HCRTR2: variants seen among roughly 807,000 people sequenced by gnomAD.
HCRTR2 encodes the protein orexin receptor type 2.
HCRTR2 carries 22 observed loss-of-function variants against 49.0 expected under a neutral mutation model. The ratio of observed to expected loss-of-function variants is 0.45; its 90% CI spans 0.32 to 0.64. HCRTR2 has a LOEUF of 0.64. Among genes scored for constraint, HCRTR2 ranks in the 30% least tolerant of loss-of-function variants. HCRTR2 has a pLI of 0.04. For synonymous variants in HCRTR2, 236 were observed against 205.3 expected (o/e 1.15, Z -1.28); for missense variants, 491 against 559.4 (o/e 0.88, Z 1.23).
intron 1 of HCRTR2, among the ~76,000 whole-genome samples, chr6:55,112,939 C>G (rs1236461828): frequency 2.6e-5 from 4 of 151,874 alleles, no homozygotes; most frequent in Non-Finnish European, 5.9e-5. Flanking sequence ...GCATATAGAC[C>G]AAGGGAGCAG....
intron 1 of HCRTR2, among the ~76,000 whole-genome samples, chr6:55,187,411 C>CAAAAAAAAAA (rs57619664): frequency 8.1e-5 from 8 of 98,422 alleles, no homozygotes; most frequent in Non-Finnish European, 1.4e-4. Flanking sequence ...GACTCCGTCT[C>CAAAAAAAAAA]AAAAAAAAAA....
chr6:55,240,164 T>G (rs907999011), intron 1 of HCRTR2, among the ~76,000 whole-genome samples: 9 of 151,662 alleles, frequency 5.9e-5, no homozygotes, highest in African/African-American at 2.2e-4. Context: ...TAGACCATCC[T>G]GGCTAACACC....
At chr6:55,165,134 G>T (rs371151530) in intron 1 of HCRTR2, among the ~76,000 whole-genome samples, 2 of 151,588 alleles carry the variant, frequency 1.3e-5, no homozygotes, top group African/African-American at 4.8e-5. Context: ...GACAAAAGAA[G>T]AAAATTAAAA....
At chr6:55,274,303 TTA>T (rs1163383466) in intron 4 of HCRTR2, among the ~76,000 whole-genome samples, 10 of 146,268 alleles carry the variant, frequency 6.8e-5, no homozygotes, top group African/African-American at 2.5e-4. Context: ...ATATATATAC[TTA>T]TATATATATT....
rs1397666268 is a variant in HCRTR2, at chr6:55,282,338, T to C, written c.1219T>C (p.Leu407=). ...AACTAGCACAGAGAGCCGGAAGTCC[T>C]TGACCACTCAAATCAGCAACTTTGA... ...GRTSTESRKS[L]TTQISNFDNI... The change falls in exon 7 of 7, where the codon TTG becomes CTG. Residue 407 remains leucine, a synonymous_variant. Coordinates refer to ENST00000370862, the MANE Select transcript of HCRTR2 (RefSeq NM_001384272.1). 2.5e-6 allele frequency: 4 copies of C among 1,613,630 alleles called. No homozygotes were observed. In the Admixed American group the frequency reaches 5.0e-5, roughly 20 times the overall value.
intron 1 of HCRTR2, among the ~76,000 whole-genome samples, chr6:55,144,369 G>A (rs1422467771): frequency 1.3e-5 from 2 of 151,862 alleles, no homozygotes; most frequent in African/African-American, 4.8e-5. Flanking sequence ...ACCCGCCTTG[G>A]CCTCCCAAAG....
intron 1 of HCRTR2, among the ~76,000 whole-genome samples, chr6:55,201,805 A>G (rs141275404): frequency 6.6e-6 from 1 of 152,278 alleles, no homozygotes; most frequent in Non-Finnish European, 1.5e-5. Context: ...TTTCCAAATT[A>G]TTTACATCCA....
chr6:55,182,066 A>T (rs1765143068), intron 1 of HCRTR2, among the ~76,000 whole-genome samples: 1 of 152,224 alleles, frequency 6.6e-6, no homozygotes. Context: ...TCATTGGCTT[A>T]GTATCACGAA....
chr6:55,177,466 A>C (rs1356342566), intron 1 of HCRTR2, among the ~76,000 whole-genome samples: 1 of 152,194 alleles, frequency 6.6e-6, no homozygotes, highest in Non-Finnish European at 1.5e-5. Context: ...GGTATAAGTA[A>C]TTTTGCACAT....
intron 1 of HCRTR2, among the ~76,000 whole-genome samples, chr6:55,159,816 C>T (rs959696602): frequency 3.3e-5 from 5 of 152,158 alleles, no homozygotes; most frequent in African/African-American, 1.2e-4. Flanking sequence ...TGAACAAAGT[C>T]TCCAAGAAAT....
rs938031488 is a variant in HCRTR2, at chr6:55,151,830, G to C, written c.-377-22381G>C. 3.3e-5 allele frequency among the ~76,000 whole-genome samples: 5 copies of C among 151,428 alleles called. No homozygotes were observed. In the East Asian group the frequency reaches 7.8e-4, roughly 24 times the overall value. On this transcript the variant is annotated intron_variant, in intron 1 of 7. Transcript: ENST00000615358. ...CACTTAAAAATCAAAATGGCTCTTT[G>C]ATCCATGGACTACAAAGTGATGTTT... is the stretch of plus-strand genomic sequence containing the variant.
intron 1 of HCRTR2, among the ~76,000 whole-genome samples, chr6:55,245,371 G>GTATATA (rs71767441): frequency 7.3e-6 from 1 of 137,334 alleles, no homozygotes; most frequent in African/African-American, 2.7e-5. Context: ...ATGTGTGTGT[G>GTATATA]TATATATATA....
chr6:55,271,393 C>T (rs564088385), intron 4 of HCRTR2, among the ~76,000 whole-genome samples: 21 of 152,150 alleles, frequency 1.4e-4, no homozygotes, highest in Non-Finnish European at 2.4e-4. Flanking sequence ...AAACTTAACT[C>T]AAAATGAATC....
At chr6:55,135,951 A>G (rs1014524267) in intron 1 of HCRTR2, among the ~76,000 whole-genome samples, 1 of 152,102 alleles carries the variant, frequency 6.6e-6, no homozygotes, top group African/African-American at 2.4e-5. Flanking sequence ...GACACAAGAC[A>G]TGGTCAATTT....
intron 1 of HCRTR2, among the ~76,000 whole-genome samples, chr6:55,134,400 T>A (rs1264352413): frequency 6.6e-6 from 1 of 151,870 alleles, no homozygotes; most frequent in African/African-American, 2.4e-5. Flanking sequence ...TATATATAGT[T>A]ATATGATTAA....
intron 1 of HCRTR2, among the ~76,000 whole-genome samples, chr6:55,208,313 GAAAAATAA>G (rs1337817850): frequency 8.5e-6 from 1 of 118,144 alleles, no homozygotes; most frequent in Non-Finnish European, 1.8e-5. Flanking sequence ...CAGTCTCTAC[GAAAAATAA>G]AAAAATAAAA....
intron 1 of HCRTR2, among the ~76,000 whole-genome samples, chr6:55,237,516 T>TTTCC (rs1288092254): frequency 4.6e-5 from 7 of 152,224 alleles, no homozygotes; most frequent in African/African-American, 1.7e-4. Flanking sequence ...AGGTACTAAA[T>TTTCC]TTCCGGCTCA....
At chr6:55,158,043 G>A (rs546052891) in intron 1 of HCRTR2, among the ~76,000 whole-genome samples, 2 of 152,170 alleles carry the variant, frequency 1.3e-5, no homozygotes, top group Non-Finnish European at 2.9e-5. Context: ...AACAGCTCTG[G>A]TCTGCAGCTC....
intron 1 of HCRTR2, among the ~76,000 whole-genome samples, chr6:55,191,297 G>T (rs971100688): frequency 6.6e-6 from 1 of 152,072 alleles, no homozygotes; most frequent in African/African-American, 2.4e-5. Flanking sequence ...AGAAGTCTGG[G>T]CTAAGTAGAA....
Sources: gnomAD v4.1 joint callset for allele counts (sites outside exome capture counted in the v4.1 genomes callset) on GRCh38, gnomAD v4.1.1 for gene constraint, MANE v1.5 for transcripts, NCBI Gene and HGNC (gene_info 2026-07-23, HGNC 2026-07-21) for gene names.